The following NDST1 variants were observed in gnomAD, a reference collection of about 807,000 sequenced individuals.
The protein encoded by NDST1 is N-deacetylase and N-sulfotransferase 1, also known as bifunctional heparan sulfate N-deacetylase/N-sulfotransferase 1.
In NDST1, 35 loss-of-function variants were observed where a neutral mutation model predicts 92.8. That is an observed-to-expected ratio of 0.38 (90% confidence interval 0.29 to 0.50). NDST1 has a LOEUF of 0.50. Among genes scored for constraint, NDST1 ranks in the 20% least tolerant of loss-of-function variants. NDST1 has a pLI of 0.94. For missense variants in NDST1, 822 were observed against 1,182.7 expected (o/e 0.69, Z 4.47); for synonymous variants, 493 against 500.3 (o/e 0.99, Z 0.19).
intron 10 of NDST1, among the ~76,000 whole-genome samples, chr5:150,543,858 C>T (rs1053816559): frequency 5.3e-5 from 8 of 151,964 alleles, no homozygotes; most frequent in Non-Finnish European, 4.4e-5. Context: ...CGGCTTACTG[C>T]AACCTCTGCT....
rs1172504622 is a variant in NDST1, at chr5:150,556,344, T to C, written c.*3012T>C. 6.6e-6 allele frequency: 1 copy of C among 152,150 alleles called. No homozygotes were observed. Among genetic ancestry groups the C allele is most frequent in the Non-Finnish European group, 1.5e-5 (1 of 68,060 alleles). 9.4% of individuals were successfully genotyped at this position (152,150 alleles called of 1,614,324 possible). On this transcript the variant is annotated 3_prime_UTR_variant, in exon 15 of 15. Coordinates refer to ENST00000261797, the MANE Select transcript of NDST1 (RefSeq NM_001543.5). The stretch of plus-strand genomic sequence containing the variant: ...GGAGGATGAGTCTGAAGTTTAAAAA[T>C]GGGCCTTTTCTGAGCCCCCCTGATG...
chr5:150,524,957 C>T (rs1164840225), intron 2 of NDST1, among the ~76,000 whole-genome samples: 2 of 152,330 alleles, frequency 1.3e-5, no homozygotes, highest in African/African-American at 2.4e-5. Context: ...TCTAACCCAG[C>T]CACAGGAGCA....
rs765197777 is a variant in NDST1, at chr5:150,545,354, C to T, written c.2013C>T (p.Asp671=). 2 of 1,614,286 alleles carry T rather than the reference C, an allele frequency of 1.2e-6. No homozygotes were observed. The highest frequency in any genetic ancestry group is 3.3e-5 in the Admixed American group (2 of 60,038). Residue 671 remains aspartate (D), a synonymous_variant, in exon 11 of 15, where the codon GAC becomes GAT. Coordinates refer to ENST00000261797, the MANE Select transcript of NDST1 (RefSeq NM_001543.5). ...CCATCCCTTCCAACACCACCTCCGA[C>T]TTCTACTTTGAGAAAAGCGCCAACT... ...FFPIPSNTTS[D]FYFEKSANYF...
At chr5:150,536,393 C>G (rs907269312) in intron 6 of NDST1, among the ~76,000 whole-genome samples, 2 of 151,820 alleles carry the variant, frequency 1.3e-5, no homozygotes, top group Admixed American at 1.3e-4. Context: ...GTAGTCCCAG[C>G]TACTTGCAGG....
intron 8 of NDST1, among the ~76,000 whole-genome samples, chr5:150,541,046 C>A (rs1755223671): frequency 6.6e-6 from 1 of 152,178 alleles, no homozygotes; most frequent in South Asian, 2.1e-4. Context: ...TCTCATAGTT[C>A]AGACCAGGAG....
chr5:150,543,640 C>T (rs1217949540), intron 10 of NDST1, among the ~76,000 whole-genome samples: 1 of 152,254 alleles, frequency 6.6e-6, no homozygotes, highest in East Asian at 1.9e-4. Flanking sequence ...GGTGGGTACA[C>T]CTCACACGTG....
chr5:150,501,730 C>T lies in NDST1; in HGVS notation c.-388+3491C>T, dbSNP rs547071284. Among the ~76,000 whole-genome samples, 7 of 152,254 alleles carry T rather than the reference C, an allele frequency of 4.6e-5. No individual in the cohort carries two copies. In the East Asian group the frequency reaches 5.8e-4, roughly 13 times the overall value. ...AAACACATGGAGACCCTGTTTTGGACGTGGGGCTGACATTTGAGTGGTGGG... is the reference window on the plus strand; with the variant it reads ...AAACACATGGAGACCCTGTTTTGGATGTGGGGCTGACATTTGAGTGGTGGG... On this transcript the variant is annotated intron_variant, in intron 1 of 1. Transcript: ENST00000518299.
At chr5:150,515,279 A>G (rs538878296) in intron 1 of NDST1, among the ~76,000 whole-genome samples, 6 of 152,256 alleles carry the variant, frequency 3.9e-5, no homozygotes, top group Non-Finnish European at 7.3e-5. Context: ...CAGTGTCACC[A>G]GAACTTGCCC....
chr5:150,509,663 C>T (rs891989441), intron 1 of NDST1, among the ~76,000 whole-genome samples: 1 of 152,184 alleles, frequency 6.6e-6, no homozygotes, highest in African/African-American at 2.4e-5. Context: ...CAGGCATGTG[C>T]CACACACCTG....
In NDST1 at chr5:150,521,002, C is replaced by A. The variant is rs1241784423; in HGVS notation, c.-253C>A. The A allele has an allele frequency of 3.4e-6, 2 of 595,898 alleles. No individual in the cohort carries two copies. The highest frequency in any genetic ancestry group is 6.0e-6 in the Non-Finnish European group (2 of 335,054). 36.9% of individuals were successfully genotyped at this position (595,898 alleles called of 1,614,324 possible). A position where few individuals can be genotyped will look rare whatever the true frequency, so the allele number is the denominator to read the frequency against. On this transcript the variant is annotated 5_prime_UTR_variant, in exon 2 of 15. Transcript: ENST00000261797. The surrounding 1 kb of genome is among the most constrained non-coding windows in gnomAD (Gnocchi z 5.9). Reference sequence around the variant, plus strand: ...CACTTCTGCTCTGCACAGGACCACGCGGGGGTTTGCCATGGTGACATAAAG... The same window carrying A: ...CACTTCTGCTCTGCACAGGACCACGAGGGGGTTTGCCATGGTGACATAAAG...
chr5:150,538,756 G>A (rs978292215), intron 6 of NDST1, among the ~76,000 whole-genome samples: 1 of 152,178 alleles, frequency 6.6e-6, no homozygotes. Context: ...TGAACTCCAG[G>A]GATGAGGTGG....
chr5:150,539,483 G>A, intron 7 of NDST1, 127 bp downstream of exon 7: 3 of 1,591,298 alleles, frequency 1.9e-6, no homozygotes, highest in Non-Finnish European at 2.6e-6. Context: ...GCAGTTGGGA[G>A]ACCCACTCTC....
intron 2 of NDST1, 82 bp from the exon 3 acceptor site, chr5:150,527,722 T>C (rs555397646): frequency 2.4e-5 from 38 of 1,590,620 alleles, no homozygotes; most frequent in Non-Finnish European, 3.2e-5. Flanking sequence ...ACCACTGTTA[T>C]GGTCCACATG....
chr5:150,548,824 C>T (rs1391787810), intron 12 of NDST1, among the ~76,000 whole-genome samples: 2 of 152,098 alleles, frequency 1.3e-5, no homozygotes, highest in East Asian at 1.9e-4. Flanking sequence ...AGCCACTGCA[C>T]CTGGCCTAAA....
intron 1 of NDST1, among the ~76,000 whole-genome samples, chr5:150,512,534 G>A (rs531697423): frequency 2.4e-4 from 36 of 152,316 alleles, no homozygotes; most frequent in Admixed American, 1.6e-3. Context: ...TGCTTGTTCC[G>A]CACTCCCAGA....
chr5:150,527,635 T>C (rs1754532661), intron 2 of NDST1, among the ~76,000 whole-genome samples, 169 bp from the exon 3 acceptor site: 1 of 152,180 alleles, frequency 6.6e-6, no homozygotes, highest in African/African-American at 2.4e-5. Context: ...AGTCGTGTGT[T>C]TGTGAGTATA....
At chr5:150,546,246 T>G (rs895235006) in intron 11 of NDST1, among the ~76,000 whole-genome samples, 1 of 152,156 alleles carries the variant, frequency 6.6e-6, no homozygotes, top group African/African-American at 2.4e-5. Flanking sequence ...TCTTCCCGCC[T>G]CGGCCTCTCA....
intron 6 of NDST1, among the ~76,000 whole-genome samples, chr5:150,536,450 G>T (rs1754992122): frequency 6.6e-6 from 1 of 151,536 alleles, no homozygotes; most frequent in African/African-American, 2.4e-5. Context: ...AGGCTGCAGT[G>T]AGCCAAGATT....
chr5:150,503,084 A>G (rs1753302467), intron 1 of NDST1, among the ~76,000 whole-genome samples: 1 of 152,110 alleles, frequency 6.6e-6, no homozygotes, highest in South Asian at 2.1e-4. Context: ...TCTCATCTGT[A>G]GAAATGGGCC....
Sources: gnomAD v4.1 joint callset for allele counts (sites outside exome capture counted in the v4.1 genomes callset) on GRCh38, gnomAD v4.1.1 for gene constraint, Gnocchi (gnomAD v3.1) non-coding constraint, MANE v1.5 for transcripts, NCBI Gene and HGNC (gene_info 2026-07-23, HGNC 2026-07-21) for gene names.